The following BEND6 variants were observed in gnomAD, a reference collection of about 807,000 sequenced individuals.
BEND6 encodes BEN domain containing 6, also known as BEN domain-containing protein 6.
Under a neutral mutation model 31.8 loss-of-function variants are expected in BEND6, and 24 were observed. The ratio of observed to expected loss-of-function variants is 0.75; its 90% CI spans 0.55 to 1.06. The LOEUF is 1.06. Among genes scored for constraint, BEND6 ranks in the 50% least tolerant of loss-of-function variants. BEND6 has a pLI of 0.00. For missense variants in BEND6, 294 were observed against 327.4 expected (o/e 0.90, Z 0.79); for synonymous variants, 109 against 114.6 (o/e 0.95, Z 0.31).
intron 3 of BEND6, among the ~76,000 whole-genome samples, chr6:56,994,748 T>A (rs1250109522): frequency 6.6e-6 from 1 of 152,146 alleles, no homozygotes; most frequent in African/African-American, 2.4e-5. Flanking sequence ...ACCTGACACA[T>A]AATCCATCCC....
At position 57,008,213 on chromosome 6, in the gene BEND6, T is replaced by C. The variant is rs943368909; in HGVS notation, c.299-6920T>C. The C allele has an allele frequency of 4.3e-6, 3 of 702,842 alleles. No homozygotes were observed. The African/African-American group carries it at 5.2e-5, about 12-fold the overall frequency. The allele number at this position is 702,842 out of a possible 1,614,324, so 43.5% of individuals were successfully genotyped here. A position where few individuals can be genotyped will look rare whatever the true frequency, so the allele number is the denominator to read the frequency against. ...CAGAGAGCTGCCTTAGACTCTCCAA[T>C]GAATGTGTTCAAACAGCTGCCTCTG... On this transcript the variant is annotated intron_variant, in intron 3 of 6. Coordinates refer to ENST00000370746, the MANE Select transcript of BEND6 (RefSeq NM_152731.3).
intron 1 of BEND6, among the ~76,000 whole-genome samples, chr6:56,973,283 A>C (rs1215220563): frequency 6.6e-6 from 1 of 152,092 alleles, no homozygotes; most frequent in Non-Finnish European, 1.5e-5. Flanking sequence ...ACCTGGTGAA[A>C]CTTAGTTTTA....
At chr6:56,965,028 A>G (rs948587639) in intron 1 of BEND6, among the ~76,000 whole-genome samples, 12 of 152,252 alleles carry the variant, frequency 7.9e-5, no homozygotes, top group African/African-American at 2.9e-4. Context: ...ATATGCCAAT[A>G]CACTGAGAGA....
At chr6:57,024,137 C>G (rs1390335095) in intron 6 of BEND6, among the ~76,000 whole-genome samples, 1 of 152,132 alleles carries the variant, frequency 6.6e-6, no homozygotes, top group Non-Finnish European at 1.5e-5. Context: ...TTTATGTTGT[C>G]TCATTGACAT....
intron 3 of BEND6, among the ~76,000 whole-genome samples, chr6:56,999,843 C>T (rs1826858968): frequency 6.6e-6 from 1 of 152,228 alleles, no homozygotes. Flanking sequence ...GATATAAAAC[C>T]TGCCAACAGA....
intron 1 of BEND6, among the ~76,000 whole-genome samples, chr6:56,969,073 CA>C (rs56383552): frequency 0.14 from 17,627 of 130,336 alleles, 1,301 homozygotes; most frequent in Middle Eastern, 0.21. Context: ...GACTCTGTCT[CA>C]AAAAAAAAAA....
intron 6 of BEND6, among the ~76,000 whole-genome samples, chr6:57,019,127 T>A (rs921406501): frequency 6.6e-6 from 1 of 152,202 alleles, no homozygotes; most frequent in African/African-American, 2.4e-5. Flanking sequence ...TTAAATTAGT[T>A]GTTATTGTTT....
In BEND6 at chr6:57,018,650, TA is replaced by T. The variant is rs1827644662; in HGVS notation, c.*9+94del. The T allele has an allele frequency of 1.1e-5, 13 of 1,196,548 alleles. No homozygotes were observed. In the South Asian group the frequency reaches 3.0e-4, roughly 28 times the overall value. The allele number at this position is 1,196,548 out of a possible 1,614,324, so 74.1% of individuals were successfully genotyped here. A position where few individuals can be genotyped will look rare whatever the true frequency, so the allele number is the denominator to read the frequency against. On this transcript the variant is annotated intron_variant, in intron 6 of 6. Transcript: ENST00000370746. ...GAATAGCATTTTCCAATCACTCTACTAGAAAATACTAGTGACCCATGAAAAG... is the reference window on the plus strand; with the variant it reads ...GAATAGCATTTTCCAATCACTCTACTGAAAATACTAGTGACCCATGAAAAG...
intron 3 of BEND6, among the ~76,000 whole-genome samples, chr6:57,005,109 A>C (rs1827105874): frequency 6.6e-6 from 1 of 152,180 alleles, no homozygotes; most frequent in African/African-American, 2.4e-5. Flanking sequence ...ACTAGGACAG[A>C]GGACTGCTGT....
rs1827896464 is a variant in BEND6, at chr6:57,026,204, A to C, written c.*132A>C. ...CATGTGCAGTGACAGGCTGTAAGAC[A>C]TATGTAACATTGCTGAGCTCTCCTA... On this transcript the variant is annotated 3_prime_UTR_variant, in exon 7 of 7. Coordinates refer to ENST00000370746, the MANE Select transcript of BEND6 (RefSeq NM_152731.3). The C allele has an allele frequency of 6.6e-6, 1 of 152,188 alleles. No individual in the cohort carries two copies. Among genetic ancestry groups the C allele is most frequent in the South Asian group, 2.1e-4 (1 of 4,832 alleles). 9.4% of individuals were successfully genotyped at this position (152,188 alleles called of 1,614,324 possible). A position where few individuals can be genotyped will look rare whatever the true frequency, so the allele number is the denominator to read the frequency against.
At chr6:56,999,862 G>A (rs1826860214) in intron 3 of BEND6, among the ~76,000 whole-genome samples, 1 of 152,200 alleles carries the variant, frequency 6.6e-6, no homozygotes, top group South Asian at 2.1e-4. Context: ...GAAGTGCATA[G>A]ACCTGGCCGC....
intron 2 of BEND6, among the ~76,000 whole-genome samples, chr6:56,983,448 C>T (rs977622662): frequency 6.7e-6 from 1 of 149,130 alleles, no homozygotes; most frequent in African/African-American, 2.6e-5. Flanking sequence ...CTTACATCTC[C>T]TCATTTTCTC....
chr6:56,955,837 G>A (rs1302881161), intron 1 of BEND6, among the ~76,000 whole-genome samples: 2 of 152,156 alleles, frequency 1.3e-5, no homozygotes, highest in Admixed American at 1.3e-4. Context: ...TGAGGCAATA[G>A]TGATCTCTCA....
At chr6:56,989,633 T>C (rs765900640) in intron 2 of BEND6, among the ~76,000 whole-genome samples, 4 of 152,236 alleles carry the variant, frequency 2.6e-5, no homozygotes, top group East Asian at 3.8e-4. Flanking sequence ...AGCCCATTCA[T>C]ATTTTTGCCC....
intron 1 of BEND6, among the ~76,000 whole-genome samples, chr6:56,956,777 G>T (rs1396269585): frequency 6.6e-6 from 1 of 152,186 alleles, no homozygotes; most frequent in Non-Finnish European, 1.5e-5. Flanking sequence ...TCTTGATACC[G>T]CAGCCCACTG....
intron 3 of BEND6, among the ~76,000 whole-genome samples, chr6:57,006,209 A>G (rs1035783398): frequency 9.2e-5 from 14 of 152,234 alleles, no homozygotes; most frequent in African/African-American, 3.4e-4. Flanking sequence ...AGTGACAGGT[A>G]AAGCATTCAG....
At chr6:56,995,037 T>C (rs1270127847) in intron 3 of BEND6, among the ~76,000 whole-genome samples, 1 of 152,102 alleles carries the variant, frequency 6.6e-6, no homozygotes, top group East Asian at 1.9e-4. Flanking sequence ...CCCCCTTTAC[T>C]TCCTATTATT....
chr6:57,018,901 A>T (rs932875110), intron 6 of BEND6, among the ~76,000 whole-genome samples: 1 of 152,300 alleles, frequency 6.6e-6, no homozygotes. Flanking sequence ...CTTGGTGGGG[A>T]TAGAAAGGAG....
At chr6:57,014,987 C>A in intron 3 of BEND6, 146 bp from the exon 4 acceptor site, 2 of 583,178 alleles carry the variant, frequency 3.4e-6, no homozygotes, top group Non-Finnish European at 2.9e-6. Context: ...TTCCAAACAC[C>A]TTTCCTGCCA....
Sources: allele counts gnomAD v4.1 joint callset (sites outside exome capture counted in the v4.1 genomes callset), GRCh38; gene constraint gnomAD v4.1.1; transcripts MANE v1.5; gene names NCBI Gene and HGNC (gene_info 2026-07-23, HGNC 2026-07-21).